COL9A2: variants seen among roughly 807,000 people sequenced by gnomAD.
The protein encoded by COL9A2 is collagen alpha-2(IX) chain.
COL9A2 carries 66 observed loss-of-function variants against 111.6 expected under a neutral mutation model. That is an observed-to-expected ratio of 0.59 (90% CI 0.48 to 0.73). COL9A2 has a LOEUF of 0.73. COL9A2 is among the 30% of genes least tolerant of loss of function. The pLI is 0.00. For missense variants in COL9A2, 881 were observed against 954.1 expected (o/e 0.92, Z 1.01); for synonymous variants, 353 against 364.1 (o/e 0.97, Z 0.35).
At position 40,305,752 on chromosome 1, in the gene COL9A2, TG is replaced by T; in HGVS notation, c.1069del (p.Gln357ArgfsTer174). On this transcript the variant is annotated frameshift_variant, in exon 21 of 32. Coordinates refer to ENST00000372748, the MANE Select transcript of COL9A2 (RefSeq NM_001852.4). LOFTEE classifies it high-confidence loss of function. ...GPGDQGEPGPQGLPGFSGPPG... is the reference protein window; with the variant it reads ...GPGDQGEPGPXGLPGFSGPPG... Reference sequence around the variant, plus strand: ...GGGACCAGAGAATCCAGGAAGGCCCTGCGGGCCCGGCTCACCCTGCAGGAAA... The same window carrying T: ...GGGACCAGAGAATCCAGGAAGGCCCTCGGGCCCGGCTCACCCTGCAGGAAA... 6.2e-7 allele frequency: 1 copy of T among 1,614,084 alleles called. No homozygotes were observed. The highest frequency in any genetic ancestry group is 8.5e-7 in the Non-Finnish European group (1 of 1,179,994).
chr1:40,316,395 G>A lies in COL9A2; in HGVS notation c.75+728C>T, dbSNP rs1425968849. ...GTTTGCCTGCAATTCAATGCCCCTG[G>A]GTGGGTGTGAGGTTTCAGGGAGGTC... On this transcript the variant is annotated intron_variant, in intron 1 of 31. Transcript: ENST00000372748. The surrounding 1 kb of genome is among the most constrained non-coding windows in gnomAD (Gnocchi z 5.5). Among the ~76,000 whole-genome samples the A allele has an allele frequency of 6.6e-6, 1 of 152,230 alleles. No individual in the cohort carries two copies. The highest frequency in any genetic ancestry group is 1.5e-5 in the Non-Finnish European group (1 of 68,030).
At position 40,315,654 on chromosome 1, in the gene COL9A2, G is replaced by C; in HGVS notation, c.86C>G (p.Pro29Arg). Residue 29 changes from proline (P) to arginine (R), a missense_variant, in exon 2 of 32, where the codon CCG (proline) becomes CGG (arginine). Transcript: ENST00000372748. ...GGGACCCGGGGGGCCCCGCTCTCCC[G>C]GTGGACCTCTCTGAAAAACACACAC... ...VLALAQIRGP[P>R]GERGPPGPPG... is the part of the protein sequence containing the mutation. 6.4e-7 allele frequency: 1 copy of C among 1,553,420 alleles called. No homozygotes were observed. The highest frequency in any genetic ancestry group is 8.7e-7 in the Non-Finnish European group (1 of 1,147,666).
rs372191928 is a variant in COL9A2 at position 40,307,755 on chromosome 1, C to G, written c.902G>C (p.Gly301Ala). The G allele has an allele frequency of 1.2e-5, 20 of 1,613,954 alleles. No individual in the cohort carries two copies. The highest frequency in any genetic ancestry group is 1.7e-5 in the Non-Finnish European group (20 of 1,179,996). The change falls in exon 18 of 32, where the codon GGC (glycine) becomes GCC (alanine). Residue 301 changes from glycine (G) to alanine (A), a missense_variant and splice_region_variant. Coordinates refer to ENST00000372748, the MANE Select transcript of COL9A2 (RefSeq NM_001852.4). This position sits in a 1 kb window ranked among gnomAD's most constrained non-coding sequence, Gnocchi z 4.8. ...QGITGPKGATGPPGINGKDGT... is the reference protein window; with the variant it reads ...QGITGPKGATAPPGINGKDGT... ...ATCCTTGCCGTTGATGCCTGGGGGGCCCTACCCAGGAGGAAAGTTCAAGGG... is the reference window on the plus strand; with the variant it reads ...ATCCTTGCCGTTGATGCCTGGGGGGGCCTACCCAGGAGGAAAGTTCAAGGG...
In COL9A2 at chr1:40,310,564, C is replaced by A. The variant is rs536831286; in HGVS notation, c.684+150G>T. 5 of 881,290 alleles carry A rather than the reference C, an allele frequency of 5.7e-6. No individual in the cohort carries two copies. Among genetic ancestry groups the A allele is most frequent in the African/African-American group, 5.0e-5 (3 of 60,282 alleles). The allele number at this position is 881,290 out of a possible 1,614,324, so 54.6% of individuals were successfully genotyped here. A position where few individuals can be genotyped will look rare whatever the true frequency, so the allele number is the denominator to read the frequency against. Reference sequence around the variant, plus strand: ...TTTGGTTCCTGTCCCTCATTCCTGACAATTTCAGCCTCCATCTCCCCATCC... The same window carrying A: ...TTTGGTTCCTGTCCCTCATTCCTGAAAATTTCAGCCTCCATCTCCCCATCC... On this transcript the variant is annotated intron_variant, in intron 13 of 31. Transcript: ENST00000372748. The surrounding 1 kb of genome is among the most constrained non-coding windows in gnomAD (Gnocchi z 4.9).
Position 40,307,798 on chromosome 1 carries a change from A to C in COL9A2, c.901-42T>G. On this transcript the variant is annotated intron_variant, in intron 17 of 31. Transcript: ENST00000372748. The surrounding 1 kb of genome is among the most constrained non-coding windows in gnomAD (Gnocchi z 4.8). Reference sequence around the variant, plus strand: ...TTCAAGGGAGAGTGATAATGCGGAGATGTCTGGGGTCTGGCCACCCACCCC... The same window carrying C: ...TTCAAGGGAGAGTGATAATGCGGAGCTGTCTGGGGTCTGGCCACCCACCCC... The C allele has an allele frequency of 1.2e-6, 2 of 1,607,338 alleles. No homozygotes were observed. The highest frequency in any genetic ancestry group is 2.2e-5 in the East Asian group (1 of 44,828).
At chr1:40,308,563 T>C (rs113082274) in intron 16 of COL9A2, among the ~76,000 whole-genome samples, 9,172 of 152,268 alleles carry the variant, frequency 0.06, 919 homozygotes, top group African/African-American at 0.21. Flanking sequence ...ATGCAGTGTG[T>C]GGATGCTGTG....
At position 40,316,924 on chromosome 1, in the gene COL9A2, C is replaced by T. The variant is rs1644228124; in HGVS notation, c.75+199G>A. Among the ~76,000 whole-genome samples the T allele has an allele frequency of 6.6e-6, 1 of 152,164 alleles. No homozygotes were observed. Among genetic ancestry groups the T allele is most frequent in the South Asian group, 2.1e-4 (1 of 4,828 alleles). On this transcript the variant is annotated intron_variant, in intron 1 of 31. Transcript: ENST00000372748. The surrounding 1 kb of genome is among the most constrained non-coding windows in gnomAD (Gnocchi z 5.5). The stretch of plus-strand genomic sequence containing the variant: ...TGGGGACGGGTCCCGTTTGACTCTC[C>T]GGCTCAGCCACCTCCATTCACGGTG...
rs763812623 is a variant in COL9A2, at chr1:40,307,141, G to T, written c.1008+305C>A. ...ATTATAGGCATGAGCCACTGCACCC[G>T]ACCTCAATAACTACTTATTGAAGGA... On this transcript the variant is annotated intron_variant, in intron 19 of 31. Coordinates refer to ENST00000372748, the MANE Select transcript of COL9A2 (RefSeq NM_001852.4). The surrounding 1 kb of genome is among the most constrained non-coding windows in gnomAD (Gnocchi z 4.8). 6.6e-6 allele frequency among the ~76,000 whole-genome samples: 1 copy of T among 152,146 alleles called. No individual in the cohort carries two copies. The highest frequency in any genetic ancestry group is 1.5e-5 in the Non-Finnish European group (1 of 68,024).
At position 40,310,410 on chromosome 1, in the gene COL9A2, T is replaced by C. The variant is rs1644105199; in HGVS notation, c.685-93A>G. The C allele has an allele frequency of 1.5e-6, 2 of 1,304,154 alleles. No homozygotes were observed. Among genetic ancestry groups the C allele is most frequent in the African/African-American group, 1.4e-5 (1 of 69,032 alleles). The allele number at this position is 1,304,154 out of a possible 1,614,324, so 80.8% of individuals were successfully genotyped here. ...CCACCTTCAATCTTACAGTGCCCTT[T>C]TGAGGTAGGCAGCAGAGTCTCTGTC... On this transcript the variant is annotated intron_variant, in intron 13 of 31. Transcript: ENST00000372748. This position sits in a 1 kb window ranked among gnomAD's most constrained non-coding sequence, Gnocchi z 4.9.
chr1:40,312,448 G>A lies in COL9A2; in HGVS notation c.363+8C>T. 6.2e-7 allele frequency: 1 copy of A among 1,613,392 alleles called. No homozygotes were observed. Among genetic ancestry groups the A allele is most frequent in the Non-Finnish European group, 8.5e-7 (1 of 1,179,704 alleles). ...TCTGGGGATCCTGCCCCATCCCTGAGGACTTACAGGAGGTCCAGCAAAACC... is the reference window on the plus strand; with the variant it reads ...TCTGGGGATCCTGCCCCATCCCTGAAGACTTACAGGAGGTCCAGCAAAACC... On this transcript the variant is annotated splice_region_variant and intron_variant, in intron 7 of 31. Coordinates refer to ENST00000372748, the MANE Select transcript of COL9A2 (RefSeq NM_001852.4). This position sits in a 1 kb window ranked among gnomAD's most constrained non-coding sequence, Gnocchi z 6.0.
At position 40,311,180 on chromosome 1, in the gene COL9A2, C is replaced by T; in HGVS notation, c.577-34G>A. 1 of 1,614,212 alleles carries T rather than the reference C, an allele frequency of 6.2e-7. No individual in the cohort carries two copies. Among genetic ancestry groups the T allele is most frequent in the South Asian group, 1.1e-5 (1 of 91,092 alleles). Reference sequence around the variant, plus strand: ...AAGGAGAGAGCTCAATACGAGGTCCCCTCCTGTCACCTGCACCACCCTCCC... The same window carrying T: ...AAGGAGAGAGCTCAATACGAGGTCCTCTCCTGTCACCTGCACCACCCTCCC... On this transcript the variant is annotated intron_variant, in intron 11 of 31. Coordinates refer to ENST00000372748, the MANE Select transcript of COL9A2 (RefSeq NM_001852.4). This position sits in a 1 kb window ranked among gnomAD's most constrained non-coding sequence, Gnocchi z 5.1.
rs1489577833 is a variant in COL9A2 at position 40,306,034 on chromosome 1, G to A, written c.1053+109C>T. 3.1e-6 allele frequency: 4 copies of A among 1,303,074 alleles called. No individual in the cohort carries two copies. In the Admixed American group the frequency reaches 5.1e-5, roughly 17 times the overall value. The allele number at this position is 1,303,074 out of a possible 1,614,324, so 80.7% of individuals were successfully genotyped here. A position where few individuals can be genotyped will look rare whatever the true frequency, so the allele number is the denominator to read the frequency against. Reference sequence around the variant, plus strand: ...GGAGGGAGGTGGTTAGGCCCAAGGGGCTTATGTTCTGGCTGAGCCTCTGAG... The same window carrying A: ...GGAGGGAGGTGGTTAGGCCCAAGGGACTTATGTTCTGGCTGAGCCTCTGAG... On this transcript the variant is annotated intron_variant, in intron 20 of 31. Coordinates refer to ENST00000372748, the MANE Select transcript of COL9A2 (RefSeq NM_001852.4).
chr1:40,307,414 G>A lies in COL9A2; in HGVS notation c.1008+32C>T. On this transcript the variant is annotated intron_variant, in intron 19 of 31. Coordinates refer to ENST00000372748, the MANE Select transcript of COL9A2 (RefSeq NM_001852.4). The surrounding 1 kb of genome is among the most constrained non-coding windows in gnomAD (Gnocchi z 4.8). Reference sequence around the variant, plus strand: ...CTAACCTCATCAGCCACTAGCCCCTGGCCAGCCCCTGTGGCTCCACCTGAC... The same window carrying A: ...CTAACCTCATCAGCCACTAGCCCCTAGCCAGCCCCTGTGGCTCCACCTGAC... The A allele has an allele frequency of 1.2e-6, 2 of 1,609,950 alleles. No homozygotes were observed. The highest frequency in any genetic ancestry group is 1.1e-5 in the South Asian group (1 of 90,426).
rs749428357 is a variant in COL9A2, at chr1:40,303,503, C to A, written c.1548+27G>T. On this transcript the variant is annotated intron_variant, in intron 28 of 31. Transcript: ENST00000372748. The surrounding 1 kb of genome is among the most constrained non-coding windows in gnomAD (Gnocchi z 4.6). ...CCAGAACAGATCTACCTAGAAGAAG[C>A]ACCTCCTACCCCGGGGCCCGACTCA... 2 of 1,612,584 alleles carry A rather than the reference C, an allele frequency of 1.2e-6. No individual in the cohort carries two copies. The highest frequency in any genetic ancestry group is 2.2e-5 in the South Asian group (2 of 91,030).
chr1:40,306,608 G>A lies in COL9A2; in HGVS notation c.1009-421C>T, dbSNP rs1644033792. 2.0e-5 allele frequency among the ~76,000 whole-genome samples: 3 copies of A among 149,776 alleles called. 1 individual carries two copies. The highest frequency in any genetic ancestry group is 7.6e-5 in the African/African-American group (3 of 39,532). Reference sequence around the variant, plus strand: ...TAAGAAGGCACAAAGAGACCAGAAAGGGCATTTCAAACAGAGGGACCAGCA... The same window carrying A: ...TAAGAAGGCACAAAGAGACCAGAAAAGGCATTTCAAACAGAGGGACCAGCA... On this transcript the variant is annotated intron_variant, in intron 19 of 31. Transcript: ENST00000372748.
Position 40,303,577 on chromosome 1 carries a change from C to G in COL9A2, c.1501G>C (p.Ala501Pro). The G allele has an allele frequency of 6.2e-7, 1 of 1,610,726 alleles. No individual in the cohort carries two copies. The highest frequency in any genetic ancestry group is 1.7e-4 in the Middle Eastern group (1 of 6,058). ...TGTCCTGGCACGCCTCGGTTCCCGGCCAGTCCTCGAGGGCCGGGGGGACCA... is the reference window on the plus strand; with the variant it reads ...TGTCCTGGCACGCCTCGGTTCCCGGGCAGTCCTCGAGGGCCGGGGGGACCA... ...YPGPPGPRGL[A>P]GNRGVPGQPG... Residue 501 changes from alanine to proline, a missense_variant, in exon 28 of 32, where the codon GCC (alanine) becomes CCC (proline). Coordinates refer to ENST00000372748, the MANE Select transcript of COL9A2 (RefSeq NM_001852.4). This position sits in a 1 kb window ranked among gnomAD's most constrained non-coding sequence, Gnocchi z 4.6.
At position 40,314,380 on chromosome 1, in the gene COL9A2, T is replaced by C; in HGVS notation, c.158A>G (p.Asn53Ser). 6.2e-7 allele frequency: 1 copy of C among 1,614,028 alleles called. No homozygotes were observed. The highest frequency in any genetic ancestry group is 8.5e-7 in the Non-Finnish European group (1 of 1,179,988). Residue 53 changes from asparagine (N) to serine (S), a missense_variant, in exon 3 of 32, where the codon AAT becomes AGT. Asn to Ser is a conservative substitution (Grantham distance 46). Coordinates refer to ENST00000372748, the MANE Select transcript of COL9A2 (RefSeq NM_001852.4). This position sits in a 1 kb window ranked among gnomAD's most constrained non-coding sequence, Gnocchi z 4.1. ...VPGSDGIDGD[N>S]GPPGKAGPPG... ...AGGGCCAGCTTTTCCAGGGGGCCCATTGTCACCCTGCAAGATACAAGTTGG... is the reference window on the plus strand; with the variant it reads ...AGGGCCAGCTTTTCCAGGGGGCCCACTGTCACCCTGCAAGATACAAGTTGG...
rs573820553 is a variant in COL9A2, at chr1:40,315,033, T to G, written c.150+557A>C. Among the ~76,000 whole-genome samples the G allele has an allele frequency of 4.6e-5, 7 of 151,192 alleles. No homozygotes were observed. The South Asian group carries it at 1.5e-3, about 32-fold the overall frequency. On this transcript the variant is annotated intron_variant, in intron 2 of 31. Transcript: ENST00000372748. ...GGCCCAGCATCCTGTGTTTGGGGGG[T>G]GGGGGCACCAGGTTGAATAGAAGTC...
chr1:40,304,937 G>C, intron 21 of COL9A2, 90 bp from the exon 22 acceptor site: 3 of 1,151,268 alleles, frequency 2.6e-6, no homozygotes, highest in Non-Finnish European at 3.7e-6. Context: ...CTGGGTCTCA[G>C]CTAATTTGCT....
Sources: allele counts gnomAD v4.1 joint callset (sites outside exome capture counted in the v4.1 genomes callset), GRCh38; gene constraint gnomAD v4.1.1; non-coding constraint Gnocchi (gnomAD v3.1); transcripts MANE v1.5; gene names NCBI Gene and HGNC (gene_info 2026-07-23, HGNC 2026-07-21).